ZNF638: variants seen among roughly 807,000 people sequenced by gnomAD.
ZNF638 encodes the protein zinc finger protein 638, also known as CTCL tumor antigen se33-1.
In ZNF638, 46 loss-of-function variants were observed where a neutral mutation model predicts 195.6. The ratio of observed to expected loss-of-function variants is 0.24; its 90% confidence interval spans 0.19 to 0.30. The LOEUF is 0.30. ZNF638 is among the 10% of genes least tolerant of loss of function. ZNF638 has a pLI of 1.00. For synonymous variants in ZNF638, 845 were observed against 772.0 expected (o/e 1.09, Z -1.57); for missense variants, 2,440 against 2,325.3 (o/e 1.05, Z -1.01).
intron 1 of ZNF638, among the ~76,000 whole-genome samples, chr2:71,341,509 C>T (rs974888195): frequency 5.9e-5 from 9 of 151,762 alleles, no homozygotes; most frequent in African/African-American, 2.2e-4. Flanking sequence ...TGAAACTATA[C>T]CAGAGTATTA....
chr2:71,352,917 T>C (rs922052544), intron 2 of ZNF638, among the ~76,000 whole-genome samples: 17 of 152,296 alleles, frequency 1.1e-4, no homozygotes, highest in South Asian at 1.0e-3. Context: ...CCTAGATAGA[T>C]TGCCATTAAA....
chr2:71,352,097 C>G (rs2078950079), intron 2 of ZNF638, among the ~76,000 whole-genome samples: 1 of 152,100 alleles, frequency 6.6e-6, no homozygotes, highest in South Asian at 2.1e-4. Flanking sequence ...CTAAGTCTGT[C>G]TTGACTAGAA....
At chr2:71,421,915 C>G (rs1208609593) in intron 21 of ZNF638, among the ~76,000 whole-genome samples, 2 of 152,062 alleles carry the variant, frequency 1.3e-5, no homozygotes, top group African/African-American at 4.8e-5. Context: ...CTGTGTCTAC[C>G]TCGGTGAAAG....
intron 19 of ZNF638, chr2:71,407,570 A>T (rs1335256434): frequency 6.6e-6 from 1 of 152,252 alleles, no homozygotes; most frequent in East Asian, 1.9e-4. Context: ...CATAAATTTA[A>T]CATTTTAATC....
intron 21 of ZNF638, among the ~76,000 whole-genome samples, chr2:71,419,974 C>CTTTTTTTTTT (rs58583336): frequency 5.2e-4 from 14 of 27,034 alleles, no homozygotes; most frequent in East Asian, 9.0e-3. Context: ...CCCCCCCCGC[C>CTTTTTTTTTT]TTTTTTTTTT....
chr2:71,381,244 G>A (rs974081610), intron 10 of ZNF638, among the ~76,000 whole-genome samples: 2 of 152,040 alleles, frequency 1.3e-5, no homozygotes, highest in East Asian at 1.9e-4. Flanking sequence ...CTTACATTGC[G>A]TTTTGTATGT....
intron 11 of ZNF638, among the ~76,000 whole-genome samples, chr2:71,397,257 T>C (rs564560994): frequency 6.6e-5 from 10 of 152,304 alleles, no homozygotes; most frequent in African/African-American, 2.4e-4. Flanking sequence ...ATTTTTTCCT[T>C]AAGTCCCAGT....
At chr2:71,359,529 TCA>T (rs756571393) in intron 3 of ZNF638, among the ~76,000 whole-genome samples, 12 of 152,286 alleles carry the variant, frequency 7.9e-5, no homozygotes, top group East Asian at 5.8e-4. Flanking sequence ...GCCCACTGAC[TCA>T]CAGACTAATC....
At chr2:71,411,029 G>T (rs1408308201) in intron 20 of ZNF638, among the ~76,000 whole-genome samples, 1 of 124,648 alleles carries the variant, frequency 8.0e-6, no homozygotes, top group Non-Finnish European at 1.6e-5. Flanking sequence ...ATGGAGCCTG[G>T]CTCTGTTGTC....
intron 3 of ZNF638, among the ~76,000 whole-genome samples, chr2:71,358,519 C>T (rs2079059812): frequency 1.3e-5 from 2 of 152,196 alleles, no homozygotes; most frequent in Non-Finnish European, 2.9e-5. Context: ...ATATATCCTT[C>T]GATCTGGCAT....
At chr2:71,360,943 G>A (rs924463837) in intron 3 of ZNF638, among the ~76,000 whole-genome samples, 1 of 152,162 alleles carries the variant, frequency 6.6e-6, no homozygotes, top group Non-Finnish European at 1.5e-5. Flanking sequence ...GGGCAGCAGA[G>A]ATGAGAACAT....
intron 2 of ZNF638, among the ~76,000 whole-genome samples, chr2:71,353,763 C>G (rs1030988080): frequency 2.6e-5 from 4 of 152,216 alleles, no homozygotes; most frequent in Non-Finnish European, 4.4e-5. Context: ...GTAAAAATCT[C>G]TGGATTATTA....
intron 8 of ZNF638, among the ~76,000 whole-genome samples, chr2:71,378,907 A>G (rs2104345431): frequency 6.6e-6 from 1 of 152,298 alleles, no homozygotes; most frequent in Non-Finnish European, 1.5e-5. Flanking sequence ...GTGAAGAAGT[A>G]TAGGAAGGAA....
intron 1 of ZNF638, among the ~76,000 whole-genome samples, chr2:71,335,193 C>T (rs2078644534): frequency 6.6e-6 from 1 of 152,110 alleles, no homozygotes; most frequent in Non-Finnish European, 1.5e-5. Context: ...CACGTCCCCA[C>T]ACTTGGCTAA....
At chr2:71,391,257 G>A (rs920240207) in intron 10 of ZNF638, among the ~76,000 whole-genome samples, 16 of 152,202 alleles carry the variant, frequency 1.1e-4, no homozygotes, top group Non-Finnish European at 1.8e-4. Context: ...TTCAAGATAG[G>A]CCTATAGTCG....
chr2:71,398,260 A>T (rs1329762525), intron 11 of ZNF638, among the ~76,000 whole-genome samples: 1 of 152,178 alleles, frequency 6.6e-6, no homozygotes, highest in Non-Finnish European at 1.5e-5. Flanking sequence ...AGCCAAGTCT[A>T]AACGTGAAAT....
At chr2:71,340,292 A>G (rs538159654) in intron 1 of ZNF638, among the ~76,000 whole-genome samples, 76 of 152,324 alleles carry the variant, frequency 5.0e-4, no homozygotes, top group African/African-American at 1.8e-3. Flanking sequence ...ACTCTCTGTC[A>G]ACACTTGTGG....
At chr2:71,404,421 C>A (rs541800029) in intron 17 of ZNF638, among the ~76,000 whole-genome samples, 77 of 152,168 alleles carry the variant, frequency 5.1e-4, no homozygotes, top group Non-Finnish European at 9.6e-4. Flanking sequence ...CTTAAAAACT[C>A]TTACTGGTCC....
rs137918800 is a variant in ZNF638, at chr2:71,400,510, C to T, written c.2689C>T (p.Leu897Phe). ...TTTGGAGGCCACAGAGAATGAACCA[C>T]TTAACAAGGTCAGTTTTCATGTTTT... ...AALEATENEP[L>F]NKETEEMCVM... The change falls in exon 15 of 28, where the codon CTT (leucine) becomes TTT (phenylalanine). Residue 897 changes from leucine to phenylalanine, a missense_variant. Transcript: ENST00000264447. 75 of 1,602,546 alleles carry T rather than the reference C, an allele frequency of 4.7e-5. No individual in the cohort carries two copies. The highest frequency in any genetic ancestry group is 6.0e-5 in the Non-Finnish European group (71 of 1,175,854).
Sources: gnomAD v4.1 joint callset for allele counts (sites outside exome capture counted in the v4.1 genomes callset) on GRCh38, gnomAD v4.1.1 for gene constraint, MANE v1.5 for transcripts, NCBI Gene and HGNC (gene_info 2026-07-23, HGNC 2026-07-21) for gene names.